MAST2: variants seen among roughly 807,000 people sequenced by gnomAD.
MAST2 encodes the protein microtubule-associated serine/threonine-protein kinase 2.
A neutral mutation model predicts 147.4 loss-of-function variants in MAST2; 70 were observed. The ratio of observed to expected loss-of-function variants is 0.47; its 90% CI spans 0.39 to 0.58. The LOEUF (loss-of-function observed/expected upper bound fraction) is 0.58. Ranked by LOEUF, MAST2 falls within the 20% of genes least tolerant of loss-of-function variation. MAST2 has a pLI of 0.00. For synonymous variants in MAST2, 869 were observed against 896.8 expected, an observed-to-expected ratio of 0.97 and a Z score of 0.55; for missense variants, 2,080 against 2,302.3, an observed-to-expected ratio of 0.90 and a Z score of 1.98.
At chr1:45,825,073 T>C (rs1445849644) in intron 2 of MAST2, among the ~76,000 whole-genome samples, 1 of 152,256 alleles carries the variant, frequency 6.6e-6, no homozygotes, top group East Asian at 1.9e-4. Flanking sequence ...TAGCCCAGGC[T>C]GGAGTGCAGT....
intron 3 of MAST2, among the ~76,000 whole-genome samples, chr1:45,879,519 G>A (rs1169231020): frequency 1.4e-5 from 2 of 144,120 alleles, no homozygotes; most frequent in Non-Finnish European, 1.5e-5. Flanking sequence ...GTTGCCGCAC[G>A]CCGAGATTGC....
intron 10 of MAST2, among the ~76,000 whole-genome samples, chr1:46,016,721 C>A (rs1236735482): frequency 6.6e-6 from 1 of 152,164 alleles, no homozygotes; most frequent in Non-Finnish European, 1.5e-5. Flanking sequence ...TAGGAAGAAT[C>A]AATATCGTGA....
intron 5 of MAST2, among the ~76,000 whole-genome samples, chr1:45,991,695 G>T (rs1346360121): frequency 6.6e-6 from 1 of 152,122 alleles, no homozygotes; most frequent in East Asian, 1.9e-4. Context: ...GGACACAATT[G>T]ACTTTTTAAT....
At chr1:45,960,575 G>A (rs571459799) in intron 5 of MAST2, among the ~76,000 whole-genome samples, 24 of 152,188 alleles carry the variant, frequency 1.6e-4, no homozygotes, top group Non-Finnish European at 2.5e-4. Flanking sequence ...TTCCCAGAGA[G>A]GGGCAGAAGA....
chr1:45,956,193 G>A (rs748596519), intron 4 of MAST2, among the ~76,000 whole-genome samples: 1 of 152,042 alleles, frequency 6.6e-6, no homozygotes, highest in Non-Finnish European at 1.5e-5. Flanking sequence ...TTTTTTAGTG[G>A]TTCTACTTTT....
rs375280470 is a variant in MAST2, at chr1:46,030,588, G to A, written c.2554-19G>A. Reference sequence around the variant, plus strand: ...ACGGCTGCCAGAGCCCATCCCCAGCGCATCCCCTGTGCCCACAGGTGTACA... The same window carrying A: ...ACGGCTGCCAGAGCCCATCCCCAGCACATCCCCTGTGCCCACAGGTGTACA... On this transcript the variant is annotated intron_variant, in intron 21 of 28. Coordinates refer to ENST00000361297, the MANE Select transcript of MAST2 (RefSeq NM_015112.3). 1.4e-5 allele frequency: 22 copies of A among 1,587,460 alleles called. No individual in the cohort carries two copies. The highest frequency in any genetic ancestry group is 1.7e-4 in the Middle Eastern group (1 of 5,822).
intron 4 of MAST2, among the ~76,000 whole-genome samples, chr1:45,920,857 T>C (rs947160307): frequency 1.3e-5 from 2 of 152,238 alleles, no homozygotes; most frequent in African/African-American, 4.8e-5. Context: ...CATTTTTTTT[T>C]CGATGAGGTG....
chr1:45,814,106 G>A (rs1298492169), intron 1 of MAST2, among the ~76,000 whole-genome samples: 1 of 152,170 alleles, frequency 6.6e-6, no homozygotes, highest in African/African-American at 2.4e-5. Context: ...TAGAGTTAGT[G>A]CATGCACAGC....
chr1:45,882,181 G>T, intron 3 of MAST2, among the ~76,000 whole-genome samples, 183 bp from the exon 4 acceptor site: 1 of 142,300 alleles, frequency 7.0e-6, no homozygotes. Context: ...GACAAAATGA[G>T]ACTCCGTCTC....
chr1:45,939,275 A>G (rs888382777), intron 4 of MAST2, among the ~76,000 whole-genome samples: 30 of 152,298 alleles, frequency 2.0e-4, no homozygotes, highest in African/African-American at 7.0e-4. Context: ...GTATCCTTCT[A>G]CTATTGAATC....
At chr1:46,029,802 C>T in intron 19 of MAST2, 29 bp from the exon 20 acceptor site, 1 of 1,612,218 alleles carries the variant, frequency 6.2e-7, no homozygotes, top group South Asian at 1.1e-5. Context: ...CTCATCCTAC[C>T]CCCTTGCCCA....
rs571991613 is a variant in MAST2, at chr1:46,028,771, T to C, written c.2056T>C (p.Cys686Arg). 6.2e-7 allele frequency: 1 copy of C among 1,614,096 alleles called. No homozygotes were observed. The highest frequency in any genetic ancestry group is 1.3e-5 in the African/African-American group (1 of 75,042). Residue 686 changes from cysteine (C) to arginine (R), a missense_variant, in exon 18 of 29, where the codon TGC (cysteine) becomes CGC (arginine). This residue lies in a region of MAST2 where 209 missense variants were observed against 309.5 expected (regional missense o/e 0.68). Coordinates refer to ENST00000361297, the MANE Select transcript of MAST2 (RefSeq NM_015112.3). The stretch of plus-strand genomic sequence containing the variant: ...AGCCTGGCTTTTCTGTGCCCAGGTA[T>C]GCGGGACCCCAGAATACATTGCGCC... ...DAREFLDKQV[C>R]GTPEYIAPEV... is the part of the protein sequence containing the mutation.
chr1:45,824,587 A>G lies in MAST2; in HGVS notation c.325+7A>G. ...CTGGCCAGCTCTCTATCGGGTAAATATCTGATTTTGTTGTTTTAAGAAATG... is the reference window on the plus strand; with the variant it reads ...CTGGCCAGCTCTCTATCGGGTAAATGTCTGATTTTGTTGTTTTAAGAAATG... On this transcript the variant is annotated splice_region_variant and intron_variant, in intron 2 of 28. Coordinates refer to ENST00000361297, the MANE Select transcript of MAST2 (RefSeq NM_015112.3). The G allele has an allele frequency of 6.4e-7, 1 of 1,573,582 alleles. No individual in the cohort carries two copies. The highest frequency in any genetic ancestry group is 1.2e-5 in the South Asian group (1 of 85,570).
chr1:45,906,775 G>A (rs552367702), intron 4 of MAST2, among the ~76,000 whole-genome samples: 2 of 151,962 alleles, frequency 1.3e-5, no homozygotes, highest in African/African-American at 4.8e-5. Context: ...TACAGTAGTA[G>A]ACAGTAATGT....
rs576271523 is a variant in MAST2 at position 45,826,915 on chromosome 1, G to A, written c.325+2335G>A. Reference sequence around the variant, plus strand: ...GCGATCTCGGCTCACTGAAACCTCCGCCTTCCTGGTTCAAGCGATTCTCCT... The same window carrying A: ...GCGATCTCGGCTCACTGAAACCTCCACCTTCCTGGTTCAAGCGATTCTCCT... On this transcript the variant is annotated intron_variant, in intron 2 of 28. Coordinates refer to ENST00000361297, the MANE Select transcript of MAST2 (RefSeq NM_015112.3). Among the ~76,000 whole-genome samples the A allele has an allele frequency of 1.4e-4, 22 of 151,994 alleles. 1 individual carries two copies. The South Asian group carries it at 3.7e-3, about 26-fold the overall frequency.
intron 5 of MAST2, among the ~76,000 whole-genome samples, chr1:45,980,130 C>A (rs1046852470): frequency 6.6e-6 from 1 of 151,966 alleles, no homozygotes; most frequent in African/African-American, 2.4e-5. Flanking sequence ...ACTAAAAATA[C>A]AAAAATTAGC....
chr1:45,877,282 G>A (rs1418088131), intron 3 of MAST2, among the ~76,000 whole-genome samples: 1 of 152,002 alleles, frequency 6.6e-6, no homozygotes, highest in African/African-American at 2.4e-5. Flanking sequence ...TTTTGAGATG[G>A]GGTCTTGCTC....
At chr1:45,880,932 C>G (rs1040244363) in intron 3 of MAST2, among the ~76,000 whole-genome samples, 1 of 142,964 alleles carries the variant, frequency 7.0e-6, no homozygotes, top group Non-Finnish European at 1.5e-5. Context: ...GAACCGAGAT[C>G]GGCCAGCCTG....
intron 4 of MAST2, among the ~76,000 whole-genome samples, chr1:45,884,626 A>T (rs185405089): frequency 4.7e-4 from 71 of 152,320 alleles, no homozygotes; most frequent in Non-Finnish European, 7.4e-5. Context: ...GGCTGTTAAG[A>T]TTCAATTAGA....
Sources: gnomAD v4.1 joint callset for allele counts (sites outside exome capture counted in the v4.1 genomes callset) on GRCh38, gnomAD v4.1.1 for gene constraint, gnomAD v4.1.1 regional missense constraint, MANE v1.5 for transcripts, NCBI Gene and HGNC (gene_info 2026-07-23, HGNC 2026-07-21) for gene names.